The following PARP16 variants were observed in gnomAD, a reference collection of about 807,000 sequenced individuals.
The protein encoded by PARP16 is poly(ADP-ribose) polymerase family member 16, also known as protein mono-ADP-ribosyltransferase PARP16.
A neutral mutation model predicts 35.0 loss-of-function variants in PARP16; 31 were observed. That is an observed-to-expected ratio of 0.88 (90% CI 0.66 to 1.19). PARP16 has a LOEUF of 1.19. Ranked by LOEUF, PARP16 falls within the 50% of genes most tolerant of loss-of-function variation. The probability of loss-of-function intolerance (pLI) is 0.00; values close to 1 mark genes in which losing one functional copy is unlikely to be tolerated. For synonymous variants in PARP16, 162 were observed against 169.5 expected (o/e 0.96, Z 0.34); for missense variants, 424 against 411.2 (o/e 1.03, Z -0.27).
chr15:65,232,699 T>C (rs757409896), downstream of PARP16, among the ~76,000 whole-genome samples: 54 of 152,096 alleles, frequency 3.6e-4, no homozygotes, highest in Non-Finnish European at 2.8e-4. Flanking sequence ...GCCCAAGAGT[T>C]CAAGAACTGC....
chr15:65,235,103 A>G (rs932131641), intron 3 of PARP16, among the ~76,000 whole-genome samples: 3 of 152,158 alleles, frequency 2.0e-5, no homozygotes, highest in Non-Finnish European at 4.4e-5. Flanking sequence ...TATGTAACAA[A>G]ACTGCACGTT....
intron 3 of PARP16, among the ~76,000 whole-genome samples, chr15:65,241,475 G>A (rs559207780): frequency 6.6e-6 from 1 of 152,280 alleles, no homozygotes; most frequent in African/African-American, 2.4e-5. Flanking sequence ...CCTACCGCTA[G>A]TGTGGAACTG....
intron 2 of PARP16, among the ~76,000 whole-genome samples, chr15:65,269,170 C>T (rs543113399): frequency 5.1e-5 from 5 of 98,772 alleles, no homozygotes; most frequent in Admixed American, 3.4e-4. Flanking sequence ...CCATTTTAGT[C>T]GGTTTTTTTC....
intron 3 of PARP16, among the ~76,000 whole-genome samples, chr15:65,263,990 A>G (rs182301897): frequency 6.6e-6 from 1 of 152,328 alleles, no homozygotes; most frequent in East Asian, 1.9e-4. Flanking sequence ...ACAAATAAAT[A>G]AAAACATAAA....
intron 3 of PARP16, among the ~76,000 whole-genome samples, chr15:65,235,262 G>C (rs530667508): frequency 6.6e-6 from 1 of 151,804 alleles, no homozygotes; most frequent in Non-Finnish European, 1.5e-5. Flanking sequence ...AGCCGAGATC[G>C]CGCCACTGCA....
At chr15:65,267,609 AAAAT>A (rs1182372349) in intron 2 of PARP16, among the ~76,000 whole-genome samples, 52 of 120,322 alleles carry the variant, frequency 4.3e-4, no homozygotes, top group South Asian at 2.0e-3. Flanking sequence ...TCCGTCTCAA[AAAAT>A]AAATAAATTA....
chr15:65,256,152 T>C (rs2089502632), downstream of PARP16, among the ~76,000 whole-genome samples: 1 of 152,182 alleles, frequency 6.6e-6, no homozygotes, highest in Non-Finnish European at 1.5e-5. Context: ...GCCTCCTATT[T>C]CTCTGGTCAC....
At chr15:65,239,307 G>A (rs1201167809) in intron 3 of PARP16, among the ~76,000 whole-genome samples, 3 of 150,634 alleles carry the variant, frequency 2.0e-5, no homozygotes, top group African/African-American at 7.3e-5. Flanking sequence ...TGCGCCTGTA[G>A]TCCCAGCTAC....
downstream of PARP16, among the ~76,000 whole-genome samples, chr15:65,257,563 G>A (rs986472925): frequency 1.3e-5 from 2 of 148,392 alleles, no homozygotes; most frequent in African/African-American, 2.5e-5. Context: ...CCGGGAGGCA[G>A]AGGCTGCAGT....
chr15:65,235,719 G>C (rs1317891274), intron 3 of PARP16, among the ~76,000 whole-genome samples: 2 of 151,470 alleles, frequency 1.3e-5, no homozygotes, highest in Non-Finnish European at 2.9e-5. Context: ...TGAGGTGGGA[G>C]GATCGCCTGA....
At chr15:65,253,585 C>G (rs2089418864), downstream of PARP16, among the ~76,000 whole-genome samples, 1 of 152,114 alleles carries the variant, frequency 6.6e-6, no homozygotes, top group Non-Finnish European at 1.5e-5. Context: ...CCGCCTCGGC[C>G]TCCCAAAGTG....
chr15:65,239,461 AAGAAAAAAAAAAG>A (rs2088986091), intron 3 of PARP16, among the ~76,000 whole-genome samples: 1 of 134,620 alleles, frequency 7.4e-6, no homozygotes, highest in Non-Finnish European at 1.6e-5. Context: ...AAAGAGAGAA[AAGAAAAAAAAAAG>A]AAAAGAAAGA....
At chr15:65,273,281 A>AAAAAAAAAAAAAAAAAAAAAAAAAC (rs2090147773) in intron 1 of PARP16, among the ~76,000 whole-genome samples, 1 of 148,362 alleles carries the variant, frequency 6.7e-6, no homozygotes, top group Non-Finnish European at 1.5e-5. Context: ...TGTCTCAAAA[A>AAAAAAAAAAAAAAAAAAAAAAAAAC]AAAAAAAAAA....
chr15:65,269,208 T>TTTC (rs1332194127), intron 2 of PARP16, among the ~76,000 whole-genome samples: 1 of 97,078 alleles, frequency 1.0e-5, no homozygotes, highest in Non-Finnish European at 2.3e-5. Flanking sequence ...TTCTTTCTTT[T>TTTC]TTTTTTGAGA....
intron 3 of PARP16, among the ~76,000 whole-genome samples, chr15:65,240,179 T>C (rs1221907657): frequency 6.6e-6 from 1 of 151,768 alleles, no homozygotes; most frequent in Non-Finnish European, 1.5e-5. Context: ...AGTCTCGCTC[T>C]GTCGCCCAGG....
chr15:65,261,893 A>C (rs1159839236), intron 4 of PARP16, among the ~76,000 whole-genome samples: 3 of 152,268 alleles, frequency 2.0e-5, no homozygotes, highest in African/African-American at 7.2e-5. Context: ...AAAGTTCTAC[A>C]AAAAACTAGG....
chr15:65,260,752 G>T lies in PARP16; in HGVS notation c.833+133C>A, dbSNP rs551356909. 2.1e-4 allele frequency: 154 copies of T among 743,592 alleles called. No homozygotes were observed. In the African/African-American group the frequency reaches 2.5e-3, roughly 12 times the overall value. The allele number at this position is 743,592 out of a possible 1,614,324, so 46.1% of individuals were successfully genotyped here. A position where few individuals can be genotyped will look rare whatever the true frequency, so the allele number is the denominator to read the frequency against. On this transcript the variant is annotated intron_variant, in intron 5 of 5. Transcript: ENST00000649807. ...CAGATCCTATCTCTCACTTCTCACC[G>T]TGTCCAGCATGGTGCTTTACATACT...
At chr15:65,276,857 C>T (rs2090273933) in intron 1 of PARP16, among the ~76,000 whole-genome samples, 2 of 151,776 alleles carry the variant, frequency 1.3e-5, no homozygotes, top group Non-Finnish European at 2.9e-5. Context: ...TGGCGGACAC[C>T]TTTAGTCCCA....
At chr15:65,277,563 T>C (rs1238707301) in intron 1 of PARP16, among the ~76,000 whole-genome samples, 2 of 152,230 alleles carry the variant, frequency 1.3e-5, no homozygotes, top group Non-Finnish European at 2.9e-5. Context: ...CATAACCTGT[T>C]TTGAAGATGA....
Sources: gnomAD v4.1 joint callset for allele counts (sites outside exome capture counted in the v4.1 genomes callset) on GRCh38, gnomAD v4.1.1 for gene constraint, MANE v1.5 for transcripts, NCBI Gene and HGNC (gene_info 2026-07-23, HGNC 2026-07-21) for gene names.